The following TMEM74 variants were observed in gnomAD, a reference collection of about 807,000 sequenced individuals.
The protein encoded by TMEM74 is transmembrane protein 74.
TMEM74 carries 13 observed loss-of-function variants against 18.1 expected under a neutral mutation model. The observed-to-expected ratio is 0.72, with a 90% CI of 0.47 to 1.14. The LOEUF (loss-of-function observed/expected upper bound fraction) is 1.14, where lower values mean the gene tolerates loss of function less well. Ranked by LOEUF, TMEM74 falls within the 50% of genes most tolerant of loss-of-function variation. The probability of loss-of-function intolerance (pLI) is 0.00; values close to 1 mark genes in which losing one functional copy is unlikely to be tolerated. For synonymous variants in TMEM74, 159 were observed against 146.6 expected, an observed-to-expected ratio of 1.08 and a Z score of -0.61; for missense variants, 372 against 375.9, an observed-to-expected ratio of 0.99 and a Z score of 0.09.
intron 1 of TMEM74, among the ~76,000 whole-genome samples, chr8:108,730,101 C>A (rs1563537117): frequency 6.6e-6 from 1 of 152,182 alleles, no homozygotes; most frequent in Non-Finnish European, 1.5e-5. Flanking sequence ...TGCCTTTTGA[C>A]TAAAAAGGAA....
In TMEM74 at chr8:108,708,481, A is replaced by G. The variant is rs11998175; in HGVS notation, n.120-53044T>C. Reference sequence around the variant, plus strand: ...ACCACACTGCCTTTTGCAACGGCTGAACTAACTTATACTACCACCCTTTTC... The same window carrying G: ...ACCACACTGCCTTTTGCAACGGCTGGACTAACTTATACTACCACCCTTTTC... On this transcript the variant is annotated intron_variant and non_coding_transcript_variant, in intron 1 of 3. Coordinates refer to the TMEM74 transcript ENST00000518838. Among the ~76,000 whole-genome samples, 468 of 152,196 alleles carry G rather than the reference A, an allele frequency of 3.1e-3. 2 individuals carry two copies. Among genetic ancestry groups the G allele is most frequent in the African/African-American group, 0.011 (450 of 41,548 alleles).
intron 1 of TMEM74, among the ~76,000 whole-genome samples, chr8:108,699,356 A>T (rs577513812): frequency 1.3e-5 from 2 of 152,014 alleles, no homozygotes; most frequent in East Asian, 3.9e-4. Context: ...AAAAGTTAGG[A>T]TCTCAAGGGC....
At chr8:108,763,046 T>C (rs1481052399) in intron 1 of TMEM74, among the ~76,000 whole-genome samples, 2 of 152,122 alleles carry the variant, frequency 1.3e-5, no homozygotes, top group Admixed American at 1.3e-4. Context: ...CTCCAAATTG[T>C]TTTCTTTTAT....
At position 108,784,823 on chromosome 8, in the gene TMEM74, T is replaced by C; in HGVS notation, c.276A>G (p.Gln92=). 1 of 1,614,222 alleles carries C rather than the reference T, an allele frequency of 6.2e-7. No individual in the cohort carries two copies. Among genetic ancestry groups the C allele is most frequent in the East Asian group, 2.2e-5 (1 of 44,886 alleles). Residue 92 remains glutamine, a synonymous_variant, in exon 2 of 2, where the codon CAA becomes CAG. Coordinates refer to ENST00000297459, the MANE Select transcript of TMEM74 (RefSeq NM_153015.3). ...PPGLLHSGNN[Q]ITAERKVCNC... ...TACAGACTTTCCGTTCCGCTGTTATTTGGTTGTTCCCTGAGTGGAGAAGTC... is the reference window on the plus strand; with the variant it reads ...TACAGACTTTCCGTTCCGCTGTTATCTGGTTGTTCCCTGAGTGGAGAAGTC...
intron 1 of TMEM74, among the ~76,000 whole-genome samples, chr8:108,708,832 A>AC (rs56706514): frequency 6.8e-6 from 1 of 146,592 alleles, no homozygotes; most frequent in Non-Finnish European, 1.5e-5. Flanking sequence ...AAAAAAAAAA[A>AC]CCAACCCAAA....
Position 108,667,927 on chromosome 8 carries a change from G to T in TMEM74, n.120-12490C>A, listed in dbSNP as rs184752011. ...AAGAAGCAGAACAATGCTGTCATCT[G>T]CTTCATTTTATGGACACCAGTGATT... On this transcript the variant is annotated intron_variant and non_coding_transcript_variant, in intron 1 of 3. Coordinates refer to the TMEM74 transcript ENST00000518838. Among the ~76,000 whole-genome samples the T allele has an allele frequency of 1.4e-3, 216 of 152,200 alleles. 1 individual carries two copies. Among genetic ancestry groups the T allele is most frequent in the Middle Eastern group, 6.8e-3 (2 of 294 alleles).
At chr8:108,704,342 CT>C (rs1298690085) in intron 1 of TMEM74, among the ~76,000 whole-genome samples, 21 of 152,234 alleles carry the variant, frequency 1.4e-4, no homozygotes, top group South Asian at 8.3e-4. Context: ...CATCTCTTTC[CT>C]ATTTCCTGTT....
At chr8:108,690,482 TG>T (rs1456900776) in intron 1 of TMEM74, among the ~76,000 whole-genome samples, 34 of 151,726 alleles carry the variant, frequency 2.2e-4, no homozygotes, top group African/African-American at 8.0e-4. Flanking sequence ...GCAGGTTTTT[TG>T]TTTTTTTTTC....
At chr8:108,671,832 AT>A (rs1267874970) in intron 1 of TMEM74, among the ~76,000 whole-genome samples, 1 of 152,144 alleles carries the variant, frequency 6.6e-6, no homozygotes, top group Non-Finnish European at 1.5e-5. Flanking sequence ...CTATAGATGA[AT>A]TCCATATTGC....
chr8:108,704,426 T>C (rs1238458295), intron 1 of TMEM74, among the ~76,000 whole-genome samples: 1 of 152,232 alleles, frequency 6.6e-6, no homozygotes, highest in Non-Finnish European at 1.5e-5. Context: ...GCAGTGCCTC[T>C]GTCCATGCAC....
intron 1 of TMEM74, among the ~76,000 whole-genome samples, chr8:108,656,624 G>T (rs1812823904): frequency 6.6e-6 from 1 of 152,098 alleles, no homozygotes; most frequent in Non-Finnish European, 1.5e-5. Context: ...CTCTTAGGAT[G>T]ACTTCATTGT....
chr8:108,666,919 A>AT (rs1812954606), intron 1 of TMEM74, among the ~76,000 whole-genome samples: 1 of 152,106 alleles, frequency 6.6e-6, no homozygotes, highest in Non-Finnish European at 1.5e-5. Context: ...AACTCTGATG[A>AT]TTTTTGTTCA....
intron 2 of TMEM74, among the ~76,000 whole-genome samples, chr8:108,654,905 TAATTACAGGAACCACAG>T (rs1320840212): frequency 6.6e-6 from 1 of 152,180 alleles, no homozygotes; most frequent in Non-Finnish European, 1.5e-5. Flanking sequence ...CTGTATGGTC[TAATTACAGGAACCACAG>T]AAATTAGTTG....
chr8:108,770,042 C>A (rs1818005336), intron 1 of TMEM74, among the ~76,000 whole-genome samples: 1 of 151,294 alleles, frequency 6.6e-6, no homozygotes, highest in South Asian at 2.1e-4. Context: ...ATTGCTGTTT[C>A]CTAGGTAAAA....
chr8:108,719,463 G>A (rs538632410), intron 1 of TMEM74, among the ~76,000 whole-genome samples: 3 of 152,058 alleles, frequency 2.0e-5, no homozygotes, highest in South Asian at 2.1e-4. Context: ...CACCCTCACC[G>A]TTCTTTGTGG....
chr8:108,705,590 A>G (rs1813389080), intron 1 of TMEM74, among the ~76,000 whole-genome samples: 1 of 152,090 alleles, frequency 6.6e-6, no homozygotes, highest in African/African-American at 2.4e-5. Context: ...CTTACTCCTT[A>G]GTTGTGTCTC....
chr8:108,683,484 A>G lies in TMEM74; in HGVS notation n.120-28047T>C, dbSNP rs559178011. 5.9e-5 allele frequency among the ~76,000 whole-genome samples: 9 copies of G among 152,000 alleles called. No individual in the cohort carries two copies. In the East Asian group the frequency reaches 1.5e-3, roughly 26 times the overall value. ...AGAATGATGTAGCATTCGGAAATTT[A>G]TTAATATAATTTACTAAATTAACAA... is the stretch of plus-strand genomic sequence containing the variant. On this transcript the variant is annotated intron_variant and non_coding_transcript_variant, in intron 1 of 3. Coordinates refer to the TMEM74 transcript ENST00000518838.
rs1224021029 is a variant in TMEM74, at chr8:108,769,203, C to T, written n.119+18273G>A. 5.3e-5 allele frequency among the ~76,000 whole-genome samples: 8 copies of T among 151,590 alleles called. No individual in the cohort carries two copies. In the East Asian group the frequency reaches 1.6e-3, roughly 29 times the overall value. On this transcript the variant is annotated intron_variant and non_coding_transcript_variant, in intron 1 of 3. Transcript: ENST00000518838. ...AATCTGGGCATGGTGTGTGTTGTGC[C>T]TGTATTCCCAGCTACTCAGGAGGCT...
chr8:108,755,615 C>A (rs1475562344), intron 1 of TMEM74, among the ~76,000 whole-genome samples: 4 of 151,986 alleles, frequency 2.6e-5, no homozygotes, highest in African/African-American at 7.2e-5. Flanking sequence ...ATAACTCATC[C>A]AAATCAATCT....
Sources: gnomAD v4.1 joint callset for allele counts (sites outside exome capture counted in the v4.1 genomes callset) on GRCh38, gnomAD v4.1.1 for gene constraint, MANE v1.5 for transcripts, NCBI Gene and HGNC (gene_info 2026-07-23, HGNC 2026-07-21) for gene names.